RYR2: variants seen among roughly 807,000 people sequenced by gnomAD.
RYR2 encodes the protein cardiac muscle ryanodine receptor-calcium release channel.
Under a neutral mutation model 601.1 loss-of-function variants are expected in RYR2, and 227 were observed. The ratio of observed to expected loss-of-function variants is 0.38; its 90% CI spans 0.34 to 0.42. The LOEUF is 0.42. Among genes scored for constraint, RYR2 ranks in the 10% least tolerant of loss-of-function variants. RYR2 has a pLI of 1.00. For synonymous variants in RYR2, 2,223 were observed against 2,175.1 expected, an observed-to-expected ratio of 1.02 and a Z score of -0.61; for missense variants, 4,646 against 6,156.5, an observed-to-expected ratio of 0.75 and a Z score of 8.21.
intron 16 of RYR2, among the ~76,000 whole-genome samples, chr1:237,464,229 TTG>T (rs915508416): frequency 6.6e-6 from 1 of 152,150 alleles, no homozygotes; most frequent in African/African-American, 2.4e-5. Context: ...TCCTTTGATG[TTG>T]GTACATTTTA....
intron 63 of RYR2, among the ~76,000 whole-genome samples, chr1:237,697,810 C>T (rs1045396105): frequency 6.6e-6 from 1 of 151,914 alleles, no homozygotes; most frequent in African/African-American, 2.4e-5. Context: ...ATAAAAAATC[C>T]TACCATTCTG....
At chr1:237,336,693 T>A (rs930329696) in intron 3 of RYR2, among the ~76,000 whole-genome samples, 4 of 151,274 alleles carry the variant, frequency 2.6e-5, no homozygotes, top group Non-Finnish European at 5.9e-5. Flanking sequence ...CCGTCTCTTA[T>A]GAAAAATACA....
intron 62 of RYR2, among the ~76,000 whole-genome samples, chr1:237,682,707 G>C (rs945075781): frequency 1.3e-5 from 2 of 152,102 alleles, no homozygotes; most frequent in Non-Finnish European, 2.9e-5. Flanking sequence ...ATTAAATGAT[G>C]CATGACTGTA....
chr1:237,374,872 C>G (rs569759379), intron 7 of RYR2, 77 bp downstream of exon 7: 3 of 1,076,070 alleles, frequency 2.8e-6, no homozygotes, highest in African/African-American at 3.1e-5. Context: ...CCGGGAAATA[C>G]GATACATGGG....
Position 237,562,414 on chromosome 1 carries a change from C to T in RYR2, c.3215-4153C>T, listed in dbSNP as rs554367233. On this transcript the variant is annotated intron_variant, in intron 27 of 104. Coordinates refer to ENST00000366574, the MANE Select transcript of RYR2 (RefSeq NM_001035.3). ...AATGTATAGTTAGATCTTGACTGCC[C>T]TCTAGTGGCATATATTTTCTTAGCT... is the stretch of plus-strand genomic sequence containing the variant. 4.9e-4 allele frequency among the ~76,000 whole-genome samples: 74 copies of T among 152,172 alleles called. No individual in the cohort carries two copies. In the South Asian group the frequency reaches 0.015, roughly 30 times the overall value.
At position 237,569,204 on chromosome 1, in the gene RYR2, C is replaced by T. The variant is rs777622110; in HGVS notation, c.3483C>T (p.Val1161=). 58 of 1,613,754 alleles carry T rather than the reference C, an allele frequency of 3.6e-5. No homozygotes were observed. Among genetic ancestry groups the T allele is most frequent in the Admixed American group, 2.7e-4 (16 of 60,000 alleles). Residue 1161 remains valine, a synonymous_variant, in exon 29 of 105, where the codon GTC becomes GTT. Transcript: ENST00000366574. ...HYGRSWQAGD[V]VGCMVDMNEH... ...GGCGCTCTTGGCAAGCAGGCGATGT[C>T]GTGGGGTGTATGGTTGACATGAACG...
At chr1:237,339,310 A>G (rs572239918) in intron 3 of RYR2, among the ~76,000 whole-genome samples, 1 of 152,280 alleles carries the variant, frequency 6.6e-6, no homozygotes, top group South Asian at 2.1e-4. Context: ...GCATTTATAT[A>G]TATCTTCATT....
At chr1:237,672,279 T>G (rs967167932) in intron 58 of RYR2, among the ~76,000 whole-genome samples, 5 of 152,176 alleles carry the variant, frequency 3.3e-5, no homozygotes, top group African/African-American at 1.2e-4. Flanking sequence ...AAAGCATCTT[T>G]CTCTTTCTCT....
chr1:237,730,211 C>T (rs760477350), intron 76 of RYR2, 49 bp from the exon 77 acceptor site: 38 of 1,047,632 alleles, frequency 3.6e-5, no homozygotes, highest in Non-Finnish European at 5.4e-5. Context: ...AATACAATTT[C>T]AACTTATTTT....
chr1:237,102,701 C>T (rs982198187), intron 1 of RYR2, among the ~76,000 whole-genome samples: 1 of 151,854 alleles, frequency 6.6e-6, no homozygotes, highest in Non-Finnish European at 1.5e-5. Context: ...ACTAAAAATA[C>T]AAAAATTAGC....
In RYR2 at chr1:237,707,090, T is replaced by C. The variant is rs1438672861; in HGVS notation, c.9722T>C (p.Met3241Thr). Reference sequence around the variant, plus strand: ...CATGTCATGGAAGTCATACTGCCCATGCTTTGCAGCTACATGTCTCGTTGG... The same window carrying C: ...CATGTCATGGAAGTCATACTGCCCACGCTTTGCAGCTACATGTCTCGTTGG... Reference protein sequence around the residue: ...MPHVMEVILPMLCSYMSRWWE... With the variant: ...MPHVMEVILPTLCSYMSRWWE... Residue 3241 changes from methionine to threonine, a missense_variant, in exon 68 of 105, where the codon ATG becomes ACG. Transcript: ENST00000366574. 2.5e-6 allele frequency: 4 copies of C among 1,613,950 alleles called. No individual in the cohort carries two copies. The highest frequency in any genetic ancestry group is 1.7e-5 in the Admixed American group (1 of 60,008).
chr1:237,502,398 T>A (rs1238697810), intron 21 of RYR2, among the ~76,000 whole-genome samples: 2 of 152,184 alleles, frequency 1.3e-5, no homozygotes, highest in African/African-American at 4.8e-5. Flanking sequence ...TGAAGTGACA[T>A]CAGAATCTCC....
chr1:237,209,331 G>T (rs1439672988), intron 1 of RYR2, among the ~76,000 whole-genome samples: 3 of 151,768 alleles, frequency 2.0e-5, no homozygotes, highest in African/African-American at 7.3e-5. Context: ...AGATATATCT[G>T]TATCTAGCTA....
intron 24 of RYR2, among the ~76,000 whole-genome samples, chr1:237,522,230 T>C (rs1368332920): frequency 1.3e-5 from 2 of 152,124 alleles, no homozygotes; most frequent in Non-Finnish European, 2.9e-5. Context: ...CCCTGGGCCA[T>C]AGCAGAAAAA....
intron 12 of RYR2, among the ~76,000 whole-genome samples, chr1:237,427,998 A>G (rs1407197935): frequency 1.3e-5 from 2 of 152,158 alleles, no homozygotes; most frequent in African/African-American, 4.8e-5. Context: ...AAACATGAAA[A>G]AAAGCTCAAC....
chr1:237,631,417 T>C lies in RYR2; in HGVS notation c.6441-10T>C, dbSNP rs768548978. 1.3e-6 allele frequency: 2 copies of C among 1,573,530 alleles called. No homozygotes were observed. The highest frequency in any genetic ancestry group is 1.1e-5 in the South Asian group (1 of 89,682). On this transcript the variant is annotated splice_polypyrimidine_tract_variant and intron_variant, in intron 41 of 104. Coordinates refer to ENST00000366574, the MANE Select transcript of RYR2 (RefSeq NM_001035.3). ...TGAGCTTTACCCCATACGTCCATTGTCCTTTCTAGGGATATTATGAATAAC... is the reference window on the plus strand; with the variant it reads ...TGAGCTTTACCCCATACGTCCATTGCCCTTTCTAGGGATATTATGAATAAC...
At chr1:237,814,278 CTTTAA>C (rs1405891582) in intron 100 of RYR2, among the ~76,000 whole-genome samples, 1 of 152,174 alleles carries the variant, frequency 6.6e-6, no homozygotes, top group Non-Finnish European at 1.5e-5. Context: ...GATTTAATTT[CTTTAA>C]TTTAGTTCTC....
At chr1:237,505,907 G>A (rs555566385) in intron 22 of RYR2, among the ~76,000 whole-genome samples, 1 of 152,236 alleles carries the variant, frequency 6.6e-6, no homozygotes, top group Non-Finnish European at 1.5e-5. Context: ...TTTCTTTTCT[G>A]TGAAGCTTAT....
At chr1:237,508,866 C>T (rs1289862638) in intron 23 of RYR2, among the ~76,000 whole-genome samples, 4 of 150,158 alleles carry the variant, frequency 2.7e-5, no homozygotes, top group Non-Finnish European at 5.9e-5. Context: ...CCTCAGCCTC[C>T]CGAGTAGCTG....
Sources: allele counts gnomAD v4.1 joint callset (sites outside exome capture counted in the v4.1 genomes callset), GRCh38; gene constraint gnomAD v4.1.1; transcripts MANE v1.5; gene names NCBI Gene and HGNC (gene_info 2026-07-23, HGNC 2026-07-21).